The following MROH1 variants were observed in gnomAD, a reference collection of about 807,000 sequenced individuals.
MROH1 encodes maestro heat like repeat family member 1.
A neutral mutation model predicts 116.5 loss-of-function variants in MROH1; 117 were observed. That is an observed-to-expected ratio of 1.00 (90% confidence interval 0.86 to 1.17). The LOEUF is 1.17. Among genes scored for constraint, MROH1 ranks in the 50% most tolerant of loss-of-function variants. The probability of loss-of-function intolerance (pLI) is 0.00; values close to 1 mark genes in which losing one functional copy is unlikely to be tolerated. For synonymous variants in MROH1, 921 were observed against 583.9 expected, an observed-to-expected ratio of 1.58 and a Z score of -8.32; for missense variants, 1,873 against 1,338.5, an observed-to-expected ratio of 1.40 and a Z score of -6.23.
chr8:144,182,378 G>A lies in MROH1; in HGVS notation c.562+1855G>A, dbSNP rs1036588948. Reference sequence around the variant, plus strand: ...TCCTCCCGGCCAAGGAACCCCTCCAGTAGGAAAGGTGGCAACAAAAGAAAC... The same window carrying A: ...TCCTCCCGGCCAAGGAACCCCTCCAATAGGAAAGGTGGCAACAAAAGAAAC... On this transcript the variant is annotated intron_variant, in intron 7 of 43. Transcript: ENST00000326134. The surrounding 1 kb of genome is among the most constrained non-coding windows in gnomAD (Gnocchi z 4.1). Among the ~76,000 whole-genome samples the A allele has an allele frequency of 2.0e-5, 3 of 152,236 alleles. No individual in the cohort carries two copies. Among genetic ancestry groups the A allele is most frequent in the Non-Finnish European group, 4.4e-5 (3 of 68,048 alleles).
intron 12 of MROH1, among the ~76,000 whole-genome samples, chr8:144,219,213 A>G (rs1005110214): frequency 1.3e-5 from 2 of 151,844 alleles, no homozygotes. Flanking sequence ...TAGTAGAGAC[A>G]AGGTTTCACT....
intron 12 of MROH1, among the ~76,000 whole-genome samples, chr8:144,206,888 C>A (rs924579978): frequency 6.6e-6 from 1 of 151,266 alleles, no homozygotes; most frequent in African/African-American, 2.4e-5. Flanking sequence ...CAAAAAAATG[C>A]CAGGTGTGGT....
intron 1 of MROH1, among the ~76,000 whole-genome samples, chr8:144,159,041 G>A (rs1386963113): frequency 5.3e-5 from 8 of 152,006 alleles, no homozygotes; most frequent in African/African-American, 1.7e-4. Context: ...CTGCCTGGCC[G>A]AATTTTCTGT....
At chr8:144,181,321 G>GGGGGAGGGGCCGGTGATA (rs1219026508) in intron 7 of MROH1, among the ~76,000 whole-genome samples, 4 of 151,876 alleles carry the variant, frequency 2.6e-5, no homozygotes, top group Non-Finnish European at 5.9e-5. Flanking sequence ...GGCCGGTGAT[G>GGGGGAGGGGCCGGTGATA]GGGGAGGGGC....
At position 144,259,284 on chromosome 8, in the gene MROH1, A is replaced by G. The variant is rs1410621624; in HGVS notation, c.3974A>G (p.Lys1325Arg). The change falls in exon 37 of 44, where the codon AAG (lysine) becomes AGG (arginine). Residue 1325 changes from lysine to arginine, a missense_variant. By Grantham distance (26) the Lys-to-Arg change is conservative (BLOSUM62 2). Transcript: ENST00000326134. ...GGGCCCCGACTCCCCCTGGTGCTGAAGACGCTGGCATGCACACACAGCAGT... is the reference window on the plus strand; with the variant it reads ...GGGCCCCGACTCCCCCTGGTGCTGAGGACGCTGGCATGCACACACAGCAGT... Reference protein sequence around the residue: ...HAGPRLPLVLKTLACTHSSAY... With the variant: ...HAGPRLPLVLRTLACTHSSAY... The G allele has an allele frequency of 1.1e-5, 8 of 714,884 alleles. No homozygotes were observed. Among genetic ancestry groups the G allele is most frequent in the African/African-American group, 3.5e-5 (2 of 57,174 alleles). 44.3% of individuals were successfully genotyped at this position (714,884 alleles called of 1,614,324 possible).
Position 144,163,748 on chromosome 8 carries a change from T to A in MROH1, c.-56-23T>A. ...ATATCGTAGAGGCTTATGAATTAAA[T>A]CTTGTGATTTTGGTTATTCCAGATG... On this transcript the variant is annotated intron_variant, in intron 2 of 43. Transcript: ENST00000326134. This position sits in a 1 kb window ranked among gnomAD's most constrained non-coding sequence, Gnocchi z 4.4. 1.3e-6 allele frequency: 2 copies of A among 1,484,712 alleles called. No individual in the cohort carries two copies. The highest frequency in any genetic ancestry group is 1.9e-6 in the Non-Finnish European group (2 of 1,068,564). 92.0% of individuals were successfully genotyped at this position (1,484,712 alleles called of 1,614,324 possible).
At chr8:144,212,310 C>T (rs1003306056) in intron 12 of MROH1, among the ~76,000 whole-genome samples, 5 of 152,026 alleles carry the variant, frequency 3.3e-5, no homozygotes, top group Admixed American at 2.6e-4. Context: ...GTCCTGGATT[C>T]CTGGGCTCAA....
Position 144,180,087 on chromosome 8 carries a change from A to G in MROH1, c.301-91A>G. ...ACCTGCACTTTCTGGGGACGCTGAA[A>G]ACAGCGTGCGCTTGTCCAAGGCTGG... is the stretch of plus-strand genomic sequence containing the variant. On this transcript the variant is annotated intron_variant, in intron 5 of 43. Transcript: ENST00000326134. The surrounding 1 kb of genome is among the most constrained non-coding windows in gnomAD (Gnocchi z 7.4). 1 of 1,504,354 alleles carries G rather than the reference A, an allele frequency of 6.6e-7. No homozygotes were observed. Among genetic ancestry groups the G allele is most frequent in the Non-Finnish European group, 9.1e-7 (1 of 1,096,562 alleles). The allele number at this position is 1,504,354 out of a possible 1,614,324, so 93.2% of individuals were successfully genotyped here. A position where few individuals can be genotyped will look rare whatever the true frequency, so the allele number is the denominator to read the frequency against.
chr8:144,187,105 A>C lies in MROH1; in HGVS notation c.563-3679A>C, dbSNP rs546377780. 1.8e-3 allele frequency among the ~76,000 whole-genome samples: 276 copies of C among 150,024 alleles called. 1 individual carries two copies. The highest frequency in any genetic ancestry group is 4.7e-3 in the African/African-American group (191 of 40,688). On this transcript the variant is annotated intron_variant, in intron 7 of 43. Coordinates refer to ENST00000326134, the MANE Select transcript of MROH1 (RefSeq NM_032450.3). ...AGAGTGAGACTGTCTCCAAAAAAAAAAAAACAAAACAAAACAAAACTCAGG... is the reference window on the plus strand; with the variant it reads ...AGAGTGAGACTGTCTCCAAAAAAAACAAAACAAAACAAAACAAAACTCAGG...
chr8:144,255,814 G>A, intron 35 of MROH1, 109 bp downstream of exon 35: 1 of 649,860 alleles, frequency 1.5e-6, no homozygotes, highest in Non-Finnish European at 2.8e-6. Flanking sequence ...GGGAGTGTGG[G>A]AGTGACTTTG....
At chr8:144,199,011 G>A in intron 10 of MROH1, 111 bp from the exon 11 acceptor site, 2 of 988,624 alleles carry the variant, frequency 2.0e-6, no homozygotes, top group Middle Eastern at 2.2e-4. Flanking sequence ...TAGGCATGGG[G>A]TGGAAACCCA....
chr8:144,153,092 T>G lies in MROH1; in HGVS notation c.-177+5016T>G, dbSNP rs1376431352. On this transcript the variant is annotated intron_variant, in intron 1 of 43. Coordinates refer to ENST00000326134, the MANE Select transcript of MROH1 (RefSeq NM_032450.3). ...TAGGAGTTCAACTCTTCATAGAAGT[T>G]GGGATTCCACGTGTGAGATCACGTG... Among the ~76,000 whole-genome samples, 28 of 152,350 alleles carry G rather than the reference T, an allele frequency of 1.8e-4. 1 individual carries two copies. The East Asian group carries it at 5.2e-3, about 28-fold the overall frequency.
intron 33 of MROH1, 25 bp downstream of exon 33, chr8:144,250,391 A>AG: frequency 1.3e-6 from 1 of 748,360 alleles, no homozygotes; most frequent in Non-Finnish European, 2.5e-6. Context: ...CTCCAGGCTT[A>AG]GGGGTCCCTC....
At position 144,243,566 on chromosome 8, in the gene MROH1, G is replaced by T. The variant is rs1009477947; in HGVS notation, c.2425G>T (p.Ala809Ser). Residue 809 changes from alanine to serine, a missense_variant, in exon 25 of 44, where the codon GCT (alanine) becomes TCT (serine). Coordinates refer to ENST00000326134, the MANE Select transcript of MROH1 (RefSeq NM_032450.3). ...VSRAICSSTQAGSFHFTRKAE... is the reference protein window; with the variant it reads ...VSRAICSSTQSGSFHFTRKAE... Reference sequence around the variant, plus strand: ...CCGCGCCATCTGCAGCAGCACCCAGGCTGGCTCCTTCCACTTCACCCGGAA... The same window carrying T: ...CCGCGCCATCTGCAGCAGCACCCAGTCTGGCTCCTTCCACTTCACCCGGAA... The T allele has an allele frequency of 2.6e-6, 2 of 780,164 alleles. No homozygotes were observed. The highest frequency in any genetic ancestry group is 1.7e-5 in the African/African-American group (1 of 59,264). 48.3% of individuals were successfully genotyped at this position (780,164 alleles called of 1,614,324 possible). A position where few individuals can be genotyped will look rare whatever the true frequency, so the allele number is the denominator to read the frequency against.
chr8:144,177,893 C>G (rs1053285484), intron 4 of MROH1, among the ~76,000 whole-genome samples: 3 of 152,086 alleles, frequency 2.0e-5, no homozygotes, highest in African/African-American at 7.2e-5. Context: ...GCCATGCTTC[C>G]TGTACAGCCT....
intron 29 of MROH1, among the ~76,000 whole-genome samples, chr8:144,246,786 A>G (rs1841992658): frequency 1.3e-5 from 2 of 152,316 alleles, no homozygotes; most frequent in South Asian, 4.1e-4. Context: ...TGCGTCTGCC[A>G]GGGAGGAGGT....
intron 4 of MROH1, among the ~76,000 whole-genome samples, chr8:144,175,997 C>T (rs575382917): frequency 7.3e-5 from 11 of 151,536 alleles, no homozygotes; most frequent in African/African-American, 1.9e-4. Context: ...TGCAGTGAGC[C>T]GAGATCATAA....
intron 14 of MROH1, among the ~76,000 whole-genome samples, chr8:144,231,862 A>G (rs149737586): frequency 1.3e-5 from 2 of 152,352 alleles, no homozygotes; most frequent in African/African-American, 4.8e-5. Context: ...CCAGTGAAAC[A>G]ACGTCACGCC....
chr8:144,190,101 C>T (rs1828180609), intron 7 of MROH1, among the ~76,000 whole-genome samples: 1 of 152,210 alleles, frequency 6.6e-6, no homozygotes, highest in Non-Finnish European at 1.5e-5. Flanking sequence ...GTGTCCTTGG[C>T]CTGAGGCTGC....
Sources: gnomAD v4.1 joint callset for allele counts (sites outside exome capture counted in the v4.1 genomes callset) on GRCh38, gnomAD v4.1.1 for gene constraint, Gnocchi (gnomAD v3.1) non-coding constraint, MANE v1.5 for transcripts, NCBI Gene and HGNC (gene_info 2026-07-23, HGNC 2026-07-21) for gene names.